Variants in CACNA2D2 observed in about 807,000 individuals in gnomAD.
CACNA2D2 encodes the protein voltage-dependent calcium channel subunit alpha-2/delta-2.
Under a neutral mutation model 166.4 loss-of-function variants are expected in CACNA2D2, and 48 were observed. That is an observed-to-expected ratio of 0.29 (90% CI 0.23 to 0.37). The LOEUF is 0.37. Ranked by LOEUF, CACNA2D2 falls within the 10% of genes least tolerant of loss-of-function variation. CACNA2D2 has a pLI of 1.00. For missense variants in CACNA2D2, 1,122 were observed against 1,433.0 expected (o/e 0.78, Z 3.50); for synonymous variants, 561 against 573.7 (o/e 0.98, Z 0.32).
chr3:50,382,523 G>A (rs915645763), intron 6 of CACNA2D2, among the ~76,000 whole-genome samples: 3 of 152,142 alleles, frequency 2.0e-5, no homozygotes, highest in South Asian at 2.1e-4. Flanking sequence ...CACTCCCTTC[G>A]CTGTCTGTTC....
At chr3:50,436,167 G>A (rs1946392747) in intron 2 of CACNA2D2, among the ~76,000 whole-genome samples, 1 of 23,188 alleles carries the variant, frequency 4.3e-5, no homozygotes, top group African/African-American at 2.1e-4. Context: ...ATCCTTGACA[G>A]ATCATTCTGG....
At chr3:50,373,617 AGG>A (rs587613080) in intron 22 of CACNA2D2, among the ~76,000 whole-genome samples, 1 of 6,890 alleles carries the variant, frequency 1.5e-4, no homozygotes, top group African/African-American at 4.1e-4. Context: ...GTGGGACTGA[AGG>A]GGGGGGGGTG....
intron 2 of CACNA2D2, among the ~76,000 whole-genome samples, chr3:50,441,281 C>A (rs933494278): frequency 3.9e-5 from 6 of 152,166 alleles, no homozygotes; most frequent in Non-Finnish European, 5.9e-5. Context: ...CCACCACCAC[C>A]CCCAGCAACG....
chr3:50,478,284 T>A (rs1697887338), intron 1 of CACNA2D2, among the ~76,000 whole-genome samples: 1 of 152,142 alleles, frequency 6.6e-6, no homozygotes, highest in African/African-American at 2.4e-5. Flanking sequence ...CTGGCCCCTG[T>A]CCACCAGGGC....
chr3:50,461,767 A>AAAAAG (rs1709596353), intron 2 of CACNA2D2, among the ~76,000 whole-genome samples: 1 of 150,340 alleles, frequency 6.7e-6, no homozygotes, highest in African/African-American at 2.5e-5. Context: ...AAAAAAAGAA[A>AAAAAG]AAAAGAAAGA....
chr3:50,377,664 AG>A, intron 16 of CACNA2D2, 67 bp downstream of exon 16: 3 of 1,573,416 alleles, frequency 1.9e-6, no homozygotes, highest in Non-Finnish European at 2.6e-6. Context: ...TTCCACCCTC[AG>A]ACCTGCTGTG....
intron 3 of CACNA2D2, among the ~76,000 whole-genome samples, chr3:50,399,660 G>C (rs967764602): frequency 3.3e-5 from 5 of 152,198 alleles, no homozygotes; most frequent in African/African-American, 1.2e-4. Flanking sequence ...ACAGCCGAGG[G>C]GATTGAGGCT....
chr3:50,367,416 G>T lies in CACNA2D2; in HGVS notation c.2379C>A (p.Val793=). 1 of 1,613,856 alleles carries T rather than the reference G, an allele frequency of 6.2e-7. No homozygotes were observed. Among genetic ancestry groups the T allele is most frequent in the Non-Finnish European group, 8.5e-7 (1 of 1,180,004 alleles). Residue 793 remains valine, a synonymous_variant, in exon 27 of 38, where the codon GTC becomes GTA. Transcript: ENST00000424201. This position sits in a 1 kb window ranked among gnomAD's most constrained non-coding sequence, Gnocchi z 6.5. The part of the protein sequence containing the change: ...YRRSLDNHGY[V]FKPPHQDALL... ...CACCATCCTGGTGTGGGGGCTTGAA[G>T]ACATAACCGTGGTTATCCAGGCTGC...
chr3:50,420,575 C>G (rs1707504185), intron 3 of CACNA2D2, among the ~76,000 whole-genome samples: 1 of 152,222 alleles, frequency 6.6e-6, no homozygotes, highest in Non-Finnish European at 1.5e-5. Context: ...TCCACAGCCC[C>G]TGGCAGCCCC....
chr3:50,412,674 G>A (rs1707074452), intron 3 of CACNA2D2, among the ~76,000 whole-genome samples: 2 of 152,164 alleles, frequency 1.3e-5, no homozygotes, highest in South Asian at 4.1e-4. Context: ...CTGAGGAGTG[G>A]GAATTTCTAT....
chr3:50,496,182 G>A (rs1423677605), intron 1 of CACNA2D2, among the ~76,000 whole-genome samples: 1 of 152,234 alleles, frequency 6.6e-6, no homozygotes, highest in Non-Finnish European at 1.5e-5. Flanking sequence ...TCTGGCTGCA[G>A]AGATAAACCA....
intron 1 of CACNA2D2, among the ~76,000 whole-genome samples, chr3:50,479,194 G>A (rs201788108): frequency 4.0e-5 from 6 of 151,792 alleles, no homozygotes; most frequent in Non-Finnish European, 7.4e-5. Context: ...TCTCTCTTAC[G>A]CACAGTCTCC....
chr3:50,418,376 C>T (rs1006002821), intron 3 of CACNA2D2, among the ~76,000 whole-genome samples: 2 of 152,214 alleles, frequency 1.3e-5, no homozygotes, highest in Admixed American at 6.5e-5. Flanking sequence ...TCCACTGCCC[C>T]GAACTCCAAC....
At chr3:50,373,147 A>G in intron 22 of CACNA2D2, 1 of 1,373,690 alleles carries the variant, frequency 7.3e-7, no homozygotes, top group Admixed American at 2.1e-5. Flanking sequence ...ACAAAAACAA[A>G]CGAAAAGGGG....
chr3:50,412,685 T>C (rs1707075266), intron 3 of CACNA2D2, among the ~76,000 whole-genome samples: 1 of 152,200 alleles, frequency 6.6e-6, no homozygotes, highest in African/African-American at 2.4e-5. Flanking sequence ...GAATTTCTAT[T>C]TTATTTTTTT....
At chr3:50,470,112 TCCCTGCCCCAGCGCTG>T (rs1710000303) in intron 2 of CACNA2D2, among the ~76,000 whole-genome samples, 1 of 152,174 alleles carries the variant, frequency 6.6e-6, no homozygotes, top group Non-Finnish European at 1.5e-5. Context: ...GGAGCAGGGT[TCCCTGCCCCAGCGCTG>T]CCCTGCCAGG....
intron 1 of CACNA2D2, among the ~76,000 whole-genome samples, chr3:50,491,263 G>A (rs1418535103): frequency 1.3e-5 from 2 of 152,242 alleles, no homozygotes; most frequent in Non-Finnish European, 2.9e-5. Context: ...GCTGCAGAAG[G>A]ATCCCTTTCT....
chr3:50,429,323 GGA>G (rs1426665634), intron 3 of CACNA2D2, among the ~76,000 whole-genome samples: 1 of 152,000 alleles, frequency 6.6e-6, no homozygotes, highest in African/African-American at 2.4e-5. Flanking sequence ...AATAGAGAGA[GGA>G]GAGTAACCCA....
rs186076534 is a variant in CACNA2D2 at position 50,464,158 on chromosome 3, C to A, written c.288+11960G>T. Among the ~76,000 whole-genome samples, 294 of 152,348 alleles carry A rather than the reference C, an allele frequency of 1.9e-3. 3 individuals are homozygous for A. Among genetic ancestry groups the A allele is most frequent in the African/African-American group, 6.4e-3 (268 of 41,594 alleles). ...CCAGCGACCCAAGAACCTGCTGGCA[C>A]CCCAGGATGTGGGATCACCCCAAAT... On this transcript the variant is annotated intron_variant, in intron 2 of 37. Coordinates refer to ENST00000424201, the MANE Select transcript of CACNA2D2 (RefSeq NM_006030.4).
Sources: allele counts gnomAD v4.1 joint callset (sites outside exome capture counted in the v4.1 genomes callset), GRCh38; gene constraint gnomAD v4.1.1; non-coding constraint Gnocchi (gnomAD v3.1); transcripts MANE v1.5; gene names NCBI Gene and HGNC (gene_info 2026-07-23, HGNC 2026-07-21).